The following TRIP11 variants were observed in gnomAD, a reference collection of about 807,000 sequenced individuals.
The protein encoded by TRIP11 is thyroid receptor-interacting protein 11.
Under a neutral mutation model 223.1 loss-of-function variants are expected in TRIP11, and 148 were observed. That is an observed-to-expected ratio of 0.66 (90% CI 0.58 to 0.76). The LOEUF (loss-of-function observed/expected upper bound fraction) is 0.76, where lower values mean the gene tolerates loss of function less well. Among genes scored for constraint, TRIP11 ranks in the 30% least tolerant of loss-of-function variants. The probability of loss-of-function intolerance (pLI) is 0.00; values close to 1 mark genes in which losing one functional copy is unlikely to be tolerated. For missense variants in TRIP11, 2,043 were observed against 2,222.0 expected, an observed-to-expected ratio of 0.92 and a Z score of 1.62; for synonymous variants, 762 against 772.6, an observed-to-expected ratio of 0.99 and a Z score of 0.23.
At chr14:91,988,415 T>C (rs1224174589) in intron 15 of TRIP11, 32 bp from the exon 16 acceptor site, 1 of 1,584,170 alleles carries the variant, frequency 6.3e-7, no homozygotes, top group East Asian at 2.2e-5. Context: ...AAAAAAAGTA[T>C]GCAAAAATTA....
At chr14:92,032,902 TAA>T (rs1225579715) in intron 2 of TRIP11, among the ~76,000 whole-genome samples, 1 of 151,998 alleles carries the variant, frequency 6.6e-6, no homozygotes, top group Non-Finnish European at 1.5e-5. Flanking sequence ...TAGAACACAG[TAA>T]ACTCTGGATT....
At chr14:91,986,359 A>G (rs1398955734) in intron 16 of TRIP11, among the ~76,000 whole-genome samples, 1 of 152,200 alleles carries the variant, frequency 6.6e-6, no homozygotes, top group Non-Finnish European at 1.5e-5. Context: ...ACTTTGGAAT[A>G]TCTACATTAT....
chr14:91,974,131 G>C (rs772733092), intron 19 of TRIP11, among the ~76,000 whole-genome samples: 5 of 152,154 alleles, frequency 3.3e-5, no homozygotes, highest in Non-Finnish European at 7.4e-5. Context: ...AACATACCAG[G>C]CACTGTGTTT....
At chr14:91,974,029 AAAAAC>A (rs1029884847) in intron 19 of TRIP11, among the ~76,000 whole-genome samples, 2 of 152,220 alleles carry the variant, frequency 1.3e-5, no homozygotes, top group Admixed American at 6.5e-5. Flanking sequence ...CTCTGTCTCA[AAAAAC>A]AAAACAAAAC....
intron 19 of TRIP11, among the ~76,000 whole-genome samples, chr14:91,974,176 T>C (rs1463507161): frequency 6.6e-6 from 1 of 152,204 alleles, no homozygotes; most frequent in Non-Finnish European, 1.5e-5. Context: ...TTCGAGAATC[T>C]AAGTTTTATG....
chr14:92,001,699 C>T (rs540806221), intron 11 of TRIP11, among the ~76,000 whole-genome samples: 6 of 152,274 alleles, frequency 3.9e-5, no homozygotes, highest in South Asian at 2.1e-4. Flanking sequence ...GTACAAAACG[C>T]TAAAACTCCA....
Position 92,021,543 on chromosome 14 carries a change from A to C in TRIP11, c.588+13T>G, listed in dbSNP as rs751017489. 7.4e-6 allele frequency: 12 copies of C among 1,613,436 alleles called. No individual in the cohort carries two copies. The highest frequency in any genetic ancestry group is 1.3e-5 in the African/African-American group (1 of 74,846). Reference sequence around the variant, plus strand: ...CTCAAAGTTTTCAAAAACTCTAAAAAATTTTTATCTACCTGAGCAATATGC... The same window carrying C: ...CTCAAAGTTTTCAAAAACTCTAAAACATTTTTATCTACCTGAGCAATATGC... On this transcript the variant is annotated intron_variant, in intron 4 of 20. Coordinates refer to ENST00000267622, the MANE Select transcript of TRIP11 (RefSeq NM_004239.4).
intron 16 of TRIP11, among the ~76,000 whole-genome samples, chr14:91,976,432 T>C (rs1226010512): frequency 1.3e-5 from 2 of 152,208 alleles, no homozygotes; most frequent in Admixed American, 6.5e-5. Context: ...ATCAACTTTG[T>C]AATACAATAC....
chr14:92,029,179 A>G (rs1240288553), intron 2 of TRIP11, among the ~76,000 whole-genome samples: 3 of 152,080 alleles, frequency 2.0e-5, no homozygotes, highest in Non-Finnish European at 1.5e-5. Context: ...CAACTATTTT[A>G]AAAATGACAA....
intron 19 of TRIP11, among the ~76,000 whole-genome samples, chr14:91,973,112 G>A (rs1016730278): frequency 2.1e-5 from 3 of 145,506 alleles, no homozygotes; most frequent in South Asian, 2.2e-4. Context: ...TGCAACCTCC[G>A]CCTCCCAGGT....
chr14:91,973,214 C>T (rs1394077294), intron 19 of TRIP11, among the ~76,000 whole-genome samples: 1 of 151,982 alleles, frequency 6.6e-6, no homozygotes, highest in Non-Finnish European at 1.5e-5. Flanking sequence ...TTAGCAGAGA[C>T]GGGGTTTCAC....
At chr14:91,973,062 G>A (rs146502492) in intron 19 of TRIP11, among the ~76,000 whole-genome samples, 113 of 133,164 alleles carry the variant, frequency 8.5e-4, no homozygotes, top group African/African-American at 3.0e-3. Context: ...GTCTTGCTCT[G>A]TCGCCCAGGC....
In TRIP11 at chr14:92,004,110, G is replaced by A; in HGVS notation, c.3866C>T (p.Ala1289Val). 5 of 1,614,162 alleles carry A rather than the reference G, an allele frequency of 3.1e-6. No individual in the cohort carries two copies. Among genetic ancestry groups the A allele is most frequent in the Non-Finnish European group, 2.5e-6 (3 of 1,180,038 alleles). ...TKLKNFGQELAQVQHSIGQLC... is the reference protein window; with the variant it reads ...TKLKNFGQELVQVQHSIGQLC... ...CTGCCCAATGCTGTGCTGAACTTGTGCTAATTCCTGCCCAAAATTTTTGAG... is the reference window on the plus strand; with the variant it reads ...CTGCCCAATGCTGTGCTGAACTTGTACTAATTCCTGCCCAAAATTTTTGAG... The change falls in exon 11 of 21, where the codon GCA (alanine) becomes GTA (valine). Residue 1289 changes from alanine to valine, a missense_variant. Ala to Val is a moderately conservative substitution (Grantham distance 64, BLOSUM62 0). Coordinates refer to ENST00000267622, the MANE Select transcript of TRIP11 (RefSeq NM_004239.4).
chr14:91,971,710 T>C (rs1286158021), intron 20 of TRIP11, among the ~76,000 whole-genome samples: 1 of 152,130 alleles, frequency 6.6e-6, no homozygotes, highest in African/African-American at 2.4e-5. Context: ...AGAAAAACTG[T>C]TTTCAGTATA....
chr14:92,007,785 C>T lies in TRIP11; in HGVS notation c.1382G>A (p.Arg461Lys). The change falls in exon 10 of 21, where the codon AGA becomes AAA. Residue 461 changes from arginine (R) to lysine (K), a missense_variant. Coordinates refer to ENST00000267622, the MANE Select transcript of TRIP11 (RefSeq NM_004239.4). ...EYEVIKSTAT[R>K]DISLDSELHD... Reference sequence around the variant, plus strand: ...TAATTCTGAATCCAAACTTATGTCTCTTGTAGCTGTACTTTTAATTACTTC... The same window carrying T: ...TAATTCTGAATCCAAACTTATGTCTTTTGTAGCTGTACTTTTAATTACTTC... 1 of 1,613,560 alleles carries T rather than the reference C, an allele frequency of 6.2e-7. No individual in the cohort carries two copies. Among genetic ancestry groups the T allele is most frequent in the East Asian group, 2.2e-5 (1 of 44,802 alleles).
intron 2 of TRIP11, among the ~76,000 whole-genome samples, chr14:92,031,017 A>G (rs1184722996): frequency 6.6e-6 from 1 of 152,166 alleles, no homozygotes. Context: ...TCAGAGGCCA[A>G]GGTGGAAAGA....
At chr14:91,989,460 T>C (rs1338804042) in intron 15 of TRIP11, among the ~76,000 whole-genome samples, 1 of 151,394 alleles carries the variant, frequency 6.6e-6, no homozygotes, top group Non-Finnish European at 1.5e-5. Flanking sequence ...GCTCTATTTC[T>C]GGATTCTCCT....
chr14:91,981,004 ATATATATATTTTT>A (rs2056532185), intron 16 of TRIP11, among the ~76,000 whole-genome samples: 2 of 67,582 alleles, frequency 3.0e-5, no homozygotes, highest in African/African-American at 1.4e-4. Flanking sequence ...ATATATATAT[ATATATATATTTTT>A]TTTTTTTTTT....
chr14:91,981,012 A>ATTTTTTTT (rs564098716), intron 16 of TRIP11, among the ~76,000 whole-genome samples: 18 of 49,940 alleles, frequency 3.6e-4, no homozygotes, highest in African/African-American at 8.7e-4. Context: ...ATATATATAT[A>ATTTTTTTT]TTTTTTTTTT....
Sources: allele counts gnomAD v4.1 joint callset (sites outside exome capture counted in the v4.1 genomes callset), GRCh38; gene constraint gnomAD v4.1.1; transcripts MANE v1.5; gene names NCBI Gene and HGNC (gene_info 2026-07-23, HGNC 2026-07-21).